HHAT: variants seen among roughly 807,000 people sequenced by gnomAD.
HHAT encodes the protein hedgehog acyltransferase.
Under a neutral mutation model 70.8 loss-of-function variants are expected in HHAT, and 47 were observed. That is an observed-to-expected ratio of 0.66 (90% CI 0.53 to 0.85). HHAT has a LOEUF of 0.85. Ranked by LOEUF, HHAT falls within the 40% of genes least tolerant of loss-of-function variation. The probability of loss-of-function intolerance (pLI) is 0.00; values close to 1 mark genes in which losing one functional copy is unlikely to be tolerated. For synonymous variants in HHAT, 228 were observed against 247.6 expected, an observed-to-expected ratio of 0.92 and a Z score of 0.74; for missense variants, 609 against 604.8, an observed-to-expected ratio of 1.01 and a Z score of -0.07.
chr1:210,429,529 C>A (rs1278621303), intron 7 of HHAT, among the ~76,000 whole-genome samples: 5 of 151,756 alleles, frequency 3.3e-5, no homozygotes, highest in Admixed American at 3.3e-4. Context: ...GTTCTTCTAT[C>A]CCATCTGTTT....
At chr1:210,477,626 G>A (rs2094324528) in intron 8 of HHAT, among the ~76,000 whole-genome samples, 2 of 152,232 alleles carry the variant, frequency 1.3e-5, no homozygotes, top group Admixed American at 6.5e-5. Flanking sequence ...ACAAGTTCAA[G>A]TAGGCATTCC....
chr1:210,655,748 C>T (rs1284645278), intron 11 of HHAT, among the ~76,000 whole-genome samples: 5 of 152,220 alleles, frequency 3.3e-5, no homozygotes, highest in Non-Finnish European at 7.3e-5. Flanking sequence ...TTTGCCATTT[C>T]CTCTGACGTT....
At chr1:210,448,763 G>A (rs2093687456) in intron 7 of HHAT, among the ~76,000 whole-genome samples, 2 of 152,006 alleles carry the variant, frequency 1.3e-5, no homozygotes, top group East Asian at 1.9e-4. Flanking sequence ...TGTAGAACAT[G>A]TTTTTATATA....
chr1:210,663,238 G>A (rs1678151356), intron 11 of HHAT, among the ~76,000 whole-genome samples: 2 of 152,202 alleles, frequency 1.3e-5, no homozygotes. Context: ...GGGGGACCGA[G>A]TGAGTGAGTG....
chr1:210,653,542 A>AAC (rs2148940161), intron 11 of HHAT, among the ~76,000 whole-genome samples: 2 of 152,016 alleles, frequency 1.3e-5, no homozygotes, highest in South Asian at 4.2e-4. Flanking sequence ...AAAAAAAAAA[A>AAC]AAAAGTTAAA....
At chr1:210,572,049 G>A (rs1656416035) in intron 9 of HHAT, among the ~76,000 whole-genome samples, 1 of 152,172 alleles carries the variant, frequency 6.6e-6, no homozygotes, top group Non-Finnish European at 1.5e-5. Context: ...GTGGGATGAT[G>A]GTCTTGCTTT....
At chr1:210,559,470 G>A (rs1447978891) in intron 9 of HHAT, among the ~76,000 whole-genome samples, 1 of 152,156 alleles carries the variant, frequency 6.6e-6, no homozygotes, top group Admixed American at 6.5e-5. Context: ...ATTCCATTCA[G>A]CATTTATTAT....
At position 210,528,963 on chromosome 1, in the gene HHAT, T is replaced by C. The variant is rs370055667; in HGVS notation, c.1043+15775T>C. Among the ~76,000 whole-genome samples, 44 of 152,276 alleles carry C rather than the reference T, an allele frequency of 2.9e-4. 1 individual carries two copies. In the South Asian group the frequency reaches 9.1e-3, roughly 32 times the overall value. Reference sequence around the variant, plus strand: ...TTGGAACCTTGGGGATAGTTTCAAATGTTGATCAACATATAAGATCAAATT... The same window carrying C: ...TTGGAACCTTGGGGATAGTTTCAAACGTTGATCAACATATAAGATCAAATT... On this transcript the variant is annotated intron_variant, in intron 9 of 11. Coordinates refer to ENST00000261458, the MANE Select transcript of HHAT (RefSeq NM_018194.6).
At chr1:210,567,661 G>A (rs17016497) in intron 9 of HHAT, among the ~76,000 whole-genome samples, 9,037 of 151,696 alleles carry the variant, frequency 0.06, 859 homozygotes, top group African/African-American at 0.2. Flanking sequence ...TTAGATCATC[G>A]TGTACAATCC....
At chr1:210,567,919 C>A (rs527699951) in intron 9 of HHAT, among the ~76,000 whole-genome samples, 1 of 152,204 alleles carries the variant, frequency 6.6e-6, no homozygotes, top group Non-Finnish European at 1.5e-5. Context: ...ATCTTCCTCC[C>A]AGTTTCCTGA....
At chr1:210,564,058 A>G (rs1426380154) in intron 9 of HHAT, among the ~76,000 whole-genome samples, 1 of 151,388 alleles carries the variant, frequency 6.6e-6, no homozygotes. Flanking sequence ...GGTTCAAGTG[A>G]TTCTCCTGCC....
intron 7 of HHAT, among the ~76,000 whole-genome samples, chr1:210,460,615 A>G (rs774397615): frequency 6.2e-4 from 95 of 152,258 alleles, no homozygotes; most frequent in Non-Finnish European, 9.6e-4. Flanking sequence ...ATGCCTTTTT[A>G]TTCACCACCA....
intron 10 of HHAT, 45 bp from the exon 11 acceptor site, chr1:210,623,481 T>C (rs777722800): frequency 1.9e-6 from 3 of 1,611,564 alleles, no homozygotes; most frequent in South Asian, 1.1e-5. Flanking sequence ...AGCCCCATTT[T>C]TTCCACCCTT....
chr1:210,587,923 T>G lies in HHAT; in HGVS notation c.1069T>G (p.Ser357Ala). The change falls in exon 10 of 12, where the codon TCC (serine) becomes GCC (alanine). Residue 357 changes from serine (S) to alanine (A), a missense_variant. Coordinates refer to ENST00000261458, the MANE Select transcript of HHAT (RefSeq NM_018194.6). ...GTATGTGTACATTCCAGTGGGCGGG[T>G]CCCAGCATGGCCTGCTGGGGACACT... ...IRYVYIPVGGSQHGLLGTLFS... is the reference protein window; with the variant it reads ...IRYVYIPVGGAQHGLLGTLFS... 1 of 1,613,966 alleles carries G rather than the reference T, an allele frequency of 6.2e-7. No homozygotes were observed. The highest frequency in any genetic ancestry group is 8.5e-7 in the Non-Finnish European group (1 of 1,179,956).
At chr1:210,480,515 A>G (rs1026563957) in intron 8 of HHAT, among the ~76,000 whole-genome samples, 1 of 152,216 alleles carries the variant, frequency 6.6e-6, no homozygotes, top group East Asian at 1.9e-4. Context: ...GGGCAACTCT[A>G]TGGAGCTTAT....
intron 9 of HHAT, among the ~76,000 whole-genome samples, chr1:210,524,543 G>A (rs906692393): frequency 2.6e-5 from 4 of 152,192 alleles, no homozygotes; most frequent in African/African-American, 9.7e-5. Context: ...AGAGGAGCAA[G>A]GAGTCCCTCC....
chr1:210,457,331 AC>A (rs1418231904), intron 7 of HHAT, among the ~76,000 whole-genome samples: 1 of 152,064 alleles, frequency 6.6e-6, no homozygotes, highest in East Asian at 1.9e-4. Flanking sequence ...ATGAGAAAAA[AC>A]TTATTAAAAA....
At chr1:210,668,376 C>G (rs1679367916) in intron 11 of HHAT, among the ~76,000 whole-genome samples, 1 of 152,214 alleles carries the variant, frequency 6.6e-6, no homozygotes, top group Non-Finnish European at 1.5e-5. Context: ...CCTCAATCCC[C>G]ATGGTCATGG....
At chr1:210,457,124 C>T (rs1216936755) in intron 7 of HHAT, among the ~76,000 whole-genome samples, 2 of 152,148 alleles carry the variant, frequency 1.3e-5, no homozygotes, top group Non-Finnish European at 2.9e-5. Context: ...ACTCTGAGCA[C>T]TGGTGGGTTG....
Sources: allele counts gnomAD v4.1 joint callset (sites outside exome capture counted in the v4.1 genomes callset), GRCh38; gene constraint gnomAD v4.1.1; transcripts MANE v1.5; gene names NCBI Gene and HGNC (gene_info 2026-07-23, HGNC 2026-07-21).